The following PLEKHA8 variants were observed in gnomAD, a reference collection of about 807,000 sequenced individuals.
PLEKHA8 encodes pleckstrin homology domain containing A8.
A neutral mutation model predicts 68.2 loss-of-function variants in PLEKHA8; 36 were observed. That is an observed-to-expected ratio of 0.53 (90% CI 0.40 to 0.70). The LOEUF (loss-of-function observed/expected upper bound fraction) is 0.70. Among genes scored for constraint, PLEKHA8 ranks in the 30% least tolerant of loss-of-function variants. The probability of loss-of-function intolerance (pLI) is 0.00; values close to 1 mark genes in which losing one functional copy is unlikely to be tolerated. For missense variants in PLEKHA8, 505 were observed against 615.4 expected (o/e 0.82, Z 1.90); for synonymous variants, 211 against 216.1 (o/e 0.98, Z 0.20).
chr7:30,084,791 C>T (rs1473635417), downstream of PLEKHA8: 1 of 337,190 alleles, frequency 3.0e-6, no homozygotes, highest in Non-Finnish European at 4.2e-6. Flanking sequence ...CTCCTAATAA[C>T]TCCATGGGGC....
intron 7 of PLEKHA8, among the ~76,000 whole-genome samples, chr7:30,053,113 TGCAGTGA>T (rs1367464850): frequency 2.0e-5 from 3 of 152,246 alleles, no homozygotes; most frequent in African/African-American, 4.8e-5. Context: ...GTTCATGGGC[TGCAGTGA>T]GCAGAGGGCC....
intron 13 of PLEKHA8, chr7:30,118,319 C>T (rs1796633875): frequency 9.9e-6 from 3 of 303,970 alleles, no homozygotes; most frequent in Non-Finnish European, 1.2e-5. Context: ...AATTATATTA[C>T]AAGAAAATAA....
intron 1 of PLEKHA8, among the ~76,000 whole-genome samples, chr7:30,038,247 C>T (rs1583775734): frequency 1.3e-5 from 2 of 149,176 alleles, no homozygotes; most frequent in South Asian, 4.2e-4. Flanking sequence ...GCATTTTTTT[C>T]AAATGCACAT....
intron 13 of PLEKHA8, among the ~76,000 whole-genome samples, chr7:30,123,171 A>G (rs955817436): frequency 6.6e-5 from 10 of 152,224 alleles, no homozygotes; most frequent in Non-Finnish European, 1.5e-4. Context: ...TGAATTAGTG[A>G]AATACAATTG....
chr7:30,129,193 G>A, intron 13 of PLEKHA8: 1 of 1,606,664 alleles, frequency 6.2e-7, no homozygotes, highest in Non-Finnish European at 8.5e-7. Context: ...ACAGGAAGTT[G>A]CTGGTTGGGA....
downstream of PLEKHA8, among the ~76,000 whole-genome samples, chr7:30,085,325 CTGGG>C (rs2128002519): frequency 6.6e-6 from 1 of 152,264 alleles, no homozygotes; most frequent in South Asian, 2.1e-4. Context: ...TGGCCTTGCC[CTGGG>C]TGTTTTAAGC....
At chr7:30,065,913 C>T (rs1278584883) in intron 12 of PLEKHA8, among the ~76,000 whole-genome samples, 2 of 152,064 alleles carry the variant, frequency 1.3e-5, no homozygotes, top group East Asian at 3.9e-4. Flanking sequence ...ATTAGAAATG[C>T]AGACTATCCG....
intron 12 of PLEKHA8, 65 bp from the exon 13 acceptor site, chr7:30,074,006 A>G (rs935892900): frequency 1.2e-4 from 161 of 1,382,660 alleles, no homozygotes; most frequent in Non-Finnish European, 1.5e-4. Context: ...AAAAAAGTAC[A>G]TTATACAAAT....
intron 1 of PLEKHA8, among the ~76,000 whole-genome samples, chr7:30,041,294 C>T (rs1167590652): frequency 1.3e-5 from 2 of 151,828 alleles, no homozygotes; most frequent in Non-Finnish European, 2.9e-5. Flanking sequence ...TGTGTAGTTA[C>T]AAAGGACAGA....
downstream of PLEKHA8, among the ~76,000 whole-genome samples, chr7:30,089,099 G>T (rs1425651980): frequency 6.6e-6 from 1 of 152,166 alleles, no homozygotes; most frequent in Admixed American, 6.5e-5. Flanking sequence ...CTTAACGCAA[G>T]TATCAGAAGA....
chr7:30,087,033 A>G (rs971046785), downstream of PLEKHA8, among the ~76,000 whole-genome samples: 2 of 152,218 alleles, frequency 1.3e-5, no homozygotes, highest in South Asian at 4.1e-4. Context: ...GTGTGAATGC[A>G]TTGTCCTCAG....
At chr7:30,086,962 A>G (rs1795206869), downstream of PLEKHA8, among the ~76,000 whole-genome samples, 2 of 152,318 alleles carry the variant, frequency 1.3e-5, no homozygotes, top group South Asian at 4.1e-4. Context: ...TGGAGAATTG[A>G]TGAACGATGA....
intron 1 of PLEKHA8, among the ~76,000 whole-genome samples, chr7:30,035,834 G>T (rs898457357): frequency 6.6e-6 from 1 of 151,904 alleles, no homozygotes; most frequent in African/African-American, 2.4e-5. Flanking sequence ...TTTTAGTAGA[G>T]ATGAGGTTTC....
At chr7:30,048,975 A>G (rs188915491) in intron 4 of PLEKHA8, among the ~76,000 whole-genome samples, 302 of 152,326 alleles carry the variant, frequency 2.0e-3, no homozygotes, top group Middle Eastern at 3.4e-3. Context: ...AACTAATACA[A>G]TGTAAATTGA....
chr7:30,076,916 G>A (rs1426788291), intron 13 of PLEKHA8, among the ~76,000 whole-genome samples: 1 of 152,158 alleles, frequency 6.6e-6, no homozygotes, highest in Non-Finnish European at 1.5e-5. Flanking sequence ...CAGCCAAATA[G>A]TGACCTTTTA....
intron 13 of PLEKHA8, among the ~76,000 whole-genome samples, chr7:30,121,490 G>A (rs182579656): frequency 6.6e-6 from 1 of 152,292 alleles, no homozygotes; most frequent in Non-Finnish European, 1.5e-5. Context: ...TTATCCGGGT[G>A]TGGTGGCAGG....
intron 13 of PLEKHA8, among the ~76,000 whole-genome samples, chr7:30,109,384 C>T (rs914843402): frequency 1.3e-5 from 2 of 151,886 alleles, no homozygotes; most frequent in African/African-American, 4.8e-5. Flanking sequence ...GTCAGGAGTT[C>T]GCGACTAGCC....
At chr7:30,034,638 C>G (rs1206909383) in intron 1 of PLEKHA8, among the ~76,000 whole-genome samples, 1 of 152,086 alleles carries the variant, frequency 6.6e-6, no homozygotes, top group South Asian at 2.1e-4. Context: ...TTGTAAAGGT[C>G]TTCATCCTTG....
chr7:30,109,586 CAAAAAAAAAAA>C (rs1166200858), intron 13 of PLEKHA8, among the ~76,000 whole-genome samples: 41 of 41,626 alleles, frequency 9.8e-4, no homozygotes, highest in East Asian at 7.2e-3. Context: ...AACTCTGTCT[CAAAAAAAAAAA>C]AAAAAAAAAA....
Sources: gnomAD v4.1 joint callset for allele counts (sites outside exome capture counted in the v4.1 genomes callset) on GRCh38, gnomAD v4.1.1 for gene constraint, MANE v1.5 for transcripts, NCBI Gene and HGNC (gene_info 2026-07-23, HGNC 2026-07-21) for gene names.